Variants in IL3RA observed in about 807,000 individuals in gnomAD.
IL3RA encodes the protein interleukin-3 receptor subunit alpha.
A neutral mutation model predicts 52.3 loss-of-function variants in IL3RA; 73 were observed. That is an observed-to-expected ratio of 1.40 (90% CI 1.16 to 1.70). The LOEUF (loss-of-function observed/expected upper bound fraction) is 1.70. Ranked by LOEUF, IL3RA falls within the 40% of genes most tolerant of loss-of-function variation. IL3RA has a pLI of 0.00. For synonymous variants in IL3RA, 260 were observed against 194.0 expected (o/e 1.34, Z -2.83); for missense variants, 664 against 504.4 (o/e 1.32, Z -3.03).
At position 1,349,245 on chromosome X, in the gene IL3RA, G is replaced by A. The variant is rs1200655501; in HGVS notation, c.298+700G>A. On this transcript the variant is annotated intron_variant, in intron 4 of 11. Transcript: ENST00000331035. ...CCACCAGGCTGGAGTGCACTGGCGC[G>A]ATCTCGGCTCACTGCAACCTCTGGC... 7.3e-5 allele frequency among the ~76,000 whole-genome samples: 11 copies of A among 149,940 alleles called. No individual in the cohort carries two copies. In the East Asian group the frequency reaches 1.2e-3, roughly 16 times the overall value.
intron 2 of IL3RA, among the ~76,000 whole-genome samples, chrX:1,344,267 C>A (rs1196276320): frequency 6.6e-6 from 1 of 151,754 alleles, no homozygotes; most frequent in Non-Finnish European, 1.5e-5. Context: ...AACCCCATCT[C>A]TAGTAAAAAT....
At chrX:1,359,028 T>A (rs2086956048) in intron 8 of IL3RA, 141 bp downstream of exon 8, 3 of 644,742 alleles carry the variant, frequency 4.7e-6, no homozygotes, top group Non-Finnish European at 6.5e-6. Flanking sequence ...AATGTTATTA[T>A]TCAATGTTCA....
intron 9 of IL3RA, among the ~76,000 whole-genome samples, chrX:1,378,115 G>C (rs2088917410): frequency 6.7e-6 from 1 of 150,372 alleles, no homozygotes; most frequent in Admixed American, 6.6e-5. Flanking sequence ...GAACCTGGGA[G>C]GTGGAGGTTG....
At chrX:1,351,249 A>G in intron 4 of IL3RA, among the ~76,000 whole-genome samples, 1 of 152,304 alleles carries the variant, frequency 6.6e-6, no homozygotes, top group South Asian at 2.1e-4. Flanking sequence ...GGATCTCTCC[A>G]TATTATTATT....
chrX:1,379,235 A>T (rs2089008831), intron 10 of IL3RA, among the ~76,000 whole-genome samples: 2 of 151,568 alleles, frequency 1.3e-5, no homozygotes, highest in South Asian at 4.2e-4. Context: ...GGCTCACCGC[A>T]GCCTCCACCT....
intron 3 of IL3RA, among the ~76,000 whole-genome samples, chrX:1,347,130 C>T (rs1295070746): frequency 6.6e-6 from 1 of 151,490 alleles, no homozygotes; most frequent in Non-Finnish European, 1.5e-5. Flanking sequence ...AAAGTTCATA[C>T]CCAATGTGCG....
rs375001788 is a variant in IL3RA at position 1,352,464 on chromosome X, G to A, written c.574G>A (p.Gly192Ser). Residue 192 changes from glycine to serine, a missense_variant, in exon 6 of 12, where the codon GGT becomes AGT. Gly to Ser is a moderately conservative substitution (Grantham distance 56). Transcript: ENST00000331035. ...GGTGCGGGGCAGGAGCGCAGCCTTCGGTATCCCCTGCACAGATAAGTTTGT... is the reference window on the plus strand; with the variant it reads ...GGTGCGGGGCAGGAGCGCAGCCTTCAGTATCCCCTGCACAGATAAGTTTGT... ...ILVRGRSAAF[G>S]IPCTDKFVVF... 5.6e-6 allele frequency: 9 copies of A among 1,613,632 alleles called. No individual in the cohort carries two copies. The African/African-American group carries it at 6.7e-5, about 12-fold the overall frequency.
intron 8 of IL3RA, among the ~76,000 whole-genome samples, chrX:1,363,913 T>C (rs1395112791): frequency 6.6e-6 from 1 of 151,568 alleles, no homozygotes; most frequent in East Asian, 2.0e-4. Flanking sequence ...CTGGGCGCGG[T>C]GGCTCACGCT....
rs770527516 is a variant in IL3RA at position 1,341,722 on chromosome X, C to G, written c.-38-6C>G. ...CCCCGCTGCCTGACTCTCGTTTCTC[C>G]TGCAGCAGGCACCTCTGTCCTGCGT... is the stretch of plus-strand genomic sequence containing the variant. On this transcript the variant is annotated splice_region_variant and splice_polypyrimidine_tract_variant and intron_variant, in intron 1 of 11. Transcript: ENST00000331035. The G allele has an allele frequency of 3.7e-6, 6 of 1,611,734 alleles. No individual in the cohort carries two copies. The highest frequency in any genetic ancestry group is 5.1e-6 in the Non-Finnish European group (6 of 1,178,544).
intron 2 of IL3RA, among the ~76,000 whole-genome samples, chrX:1,344,183 C>T (rs2148892562): frequency 6.6e-6 from 1 of 152,216 alleles, no homozygotes; most frequent in South Asian, 2.1e-4. Context: ...TCTGTGATCC[C>T]AGCACTTTGG....
chrX:1,362,466 A>C (rs1415272660), intron 8 of IL3RA, among the ~76,000 whole-genome samples: 115 of 93,512 alleles, frequency 1.2e-3, no homozygotes, highest in East Asian at 3.2e-3. Context: ...CTCTGTTTCT[A>C]TCTGTCTCTC....
chrX:1,353,160 TC>T (rs2086224162), intron 6 of IL3RA, among the ~76,000 whole-genome samples: 1 of 137,074 alleles, frequency 7.3e-6, no homozygotes, highest in African/African-American at 2.8e-5. Context: ...ATGGGATCCC[TC>T]ATCGTGGGTT....
At chrX:1,356,674 A>G (rs1239035683) in intron 7 of IL3RA, among the ~76,000 whole-genome samples, 3 of 151,572 alleles carry the variant, frequency 2.0e-5, no homozygotes, top group Non-Finnish European at 4.4e-5. Context: ...GGGGAGGCCG[A>G]GGCAGGAGAA....
intron 1 of IL3RA, among the ~76,000 whole-genome samples, chrX:1,341,324 C>T (rs1430218316): frequency 6.6e-6 from 1 of 151,384 alleles, no homozygotes; most frequent in Non-Finnish European, 1.5e-5. Flanking sequence ...AGAAAACACA[C>T]AAACACTTAT....
rs771215381 is a variant in IL3RA at position 1,381,217 on chromosome X, G to A, written c.1062+113G>A. 160 of 885,942 alleles carry A rather than the reference G, an allele frequency of 1.8e-4. No homozygotes were observed. In the South Asian group the frequency reaches 2.1e-3, roughly 12 times the overall value. 54.9% of individuals were successfully genotyped at this position (885,942 alleles called of 1,614,324 possible). A position where few individuals can be genotyped will look rare whatever the true frequency, so the allele number is the denominator to read the frequency against. On this transcript the variant is annotated intron_variant, in intron 11 of 11. Transcript: ENST00000331035. ...AACTGGAGACCAGCCTGGCCAACAT[G>A]GAGAAACTCCGTGTCTACTAAAAAT...
chrX:1,346,026 AACCCCAC>A (rs1430732887), intron 3 of IL3RA, among the ~76,000 whole-genome samples: 1 of 151,886 alleles, frequency 6.6e-6, no homozygotes, highest in East Asian at 1.9e-4. Context: ...TGCGAAACCC[AACCCCAC>A]GCTGGGCGTG....
intron 10 of IL3RA, 146 bp downstream of exon 10, chrX:1,378,910 T>G (rs1454388586): frequency 2.6e-6 from 2 of 764,582 alleles, no homozygotes; most frequent in Non-Finnish European, 4.3e-6. Flanking sequence ...TGGCACGATC[T>G]GGGCTCACTG....
chrX:1,352,821 C>A (rs17881263), intron 6 of IL3RA, among the ~76,000 whole-genome samples: 5 of 140,902 alleles, frequency 3.5e-5, no homozygotes, highest in African/African-American at 1.5e-4. Context: ...GGATCCCTCA[C>A]CATGGGTCAT....
chrX:1,377,038 C>G (rs1205391293), intron 9 of IL3RA, among the ~76,000 whole-genome samples: 3 of 148,890 alleles, frequency 2.0e-5, no homozygotes, highest in South Asian at 4.5e-4. Flanking sequence ...CTGAGATGGA[C>G]TAAGACATCT....
Sources: allele counts gnomAD v4.1 joint callset (sites outside exome capture counted in the v4.1 genomes callset), GRCh38; gene constraint gnomAD v4.1.1; transcripts MANE v1.5; gene names NCBI Gene and HGNC (gene_info 2026-07-23, HGNC 2026-07-21).